Variants in MAGI3 observed in about 807,000 individuals in gnomAD.
MAGI3 encodes membrane-associated guanylate kinase, WW and PDZ domain-containing protein 3.
A neutral mutation model predicts 121.8 loss-of-function variants in MAGI3; 43 were observed. The ratio of observed to expected loss-of-function variants is 0.35; its 90% CI spans 0.28 to 0.46. The LOEUF is 0.46. MAGI3 is among the 20% of genes least tolerant of loss of function. The probability of loss-of-function intolerance (pLI) is 1.00; values close to 1 mark genes in which losing one functional copy is unlikely to be tolerated. For missense variants in MAGI3, 1,547 were observed against 1,797.3 expected (o/e 0.86, Z 2.52); for synonymous variants, 553 against 639.3 (o/e 0.86, Z 2.04).
chr1:113,428,895 G>C (rs1312744749), intron 1 of MAGI3, among the ~76,000 whole-genome samples: 3 of 152,148 alleles, frequency 2.0e-5, no homozygotes, highest in African/African-American at 7.2e-5. Flanking sequence ...TCACTTATCA[G>C]TTCTTGAATT....
intron 9 of MAGI3, among the ~76,000 whole-genome samples, chr1:113,633,003 T>A (rs1443532425): frequency 6.7e-6 from 1 of 150,162 alleles, no homozygotes; most frequent in Non-Finnish European, 1.5e-5. Context: ...GCTGCACCCA[T>A]TAACTCGTCA....
intron 16 of MAGI3, among the ~76,000 whole-genome samples, chr1:113,663,737 G>T (rs138706445): frequency 6.6e-6 from 1 of 152,004 alleles, no homozygotes; most frequent in Non-Finnish European, 1.5e-5. Context: ...TTGTTGGGTC[G>T]CATGGTAACT....
intron 8 of MAGI3, among the ~76,000 whole-genome samples, chr1:113,621,750 ATATT>A (rs1282910656): frequency 1.3e-5 from 2 of 150,482 alleles, no homozygotes; most frequent in East Asian, 1.9e-4. Context: ...ATTTAATTTA[ATATT>A]TATTATATAT....
intron 1 of MAGI3, among the ~76,000 whole-genome samples, chr1:113,540,533 G>T (rs540491905): frequency 6.6e-6 from 1 of 152,282 alleles, no homozygotes; most frequent in East Asian, 1.9e-4. Flanking sequence ...AGATTTATGT[G>T]TACACAGCAC....
Position 113,391,137 on chromosome 1 carries a change from G to T in MAGI3, c.104G>T (p.Gly35Val). ...GGCGACTTCGGCGCGGAGATCCGCG[G>T]TGGCGCGGAGCGTGGCGAGTTCCCC... The part of the protein sequence containing the change: ...PPGDFGAEIR[G>V]GAERGEFPYL... The change falls in exon 1 of 21, where the codon GGT (glycine) becomes GTT (valine). Residue 35 changes from glycine to valine, a missense_variant. Gly to Val is a moderately radical substitution (Grantham distance 109). Coordinates refer to ENST00000307546, the MANE Select transcript of MAGI3 (RefSeq NM_001142782.2). The surrounding 1 kb of genome is among the most constrained non-coding windows in gnomAD (Gnocchi z 4.4). 1 of 1,566,918 alleles carries T rather than the reference G, an allele frequency of 6.4e-7. No individual in the cohort carries two copies. The highest frequency in any genetic ancestry group is 8.6e-7 in the Non-Finnish European group (1 of 1,156,264).
chr1:113,582,073 T>G (rs1324298741), intron 3 of MAGI3, among the ~76,000 whole-genome samples: 5 of 152,234 alleles, frequency 3.3e-5, no homozygotes, highest in Non-Finnish European at 5.9e-5. Context: ...GTGTGCTCAA[T>G]TCAAAGAAAA....
chr1:113,590,226 C>T (rs572281492), intron 4 of MAGI3, among the ~76,000 whole-genome samples: 1 of 152,206 alleles, frequency 6.6e-6, no homozygotes, highest in East Asian at 1.9e-4. Context: ...AGGATTTATA[C>T]TGAATTAATT....
rs1425565567 is a variant in MAGI3, at chr1:113,391,425, A to C, written c.316+76A>C. On this transcript the variant is annotated intron_variant, in intron 1 of 20. Coordinates refer to ENST00000307546, the MANE Select transcript of MAGI3 (RefSeq NM_001142782.2). This position sits in a 1 kb window ranked among gnomAD's most constrained non-coding sequence, Gnocchi z 4.4. ...GGGTGGGCGTCCTGGGAGCGGCGGC[A>C]CCTCCCCACCGCGTATTGTCCCGGG... The C allele has an allele frequency of 7.6e-6, 11 of 1,447,210 alleles. No individual in the cohort carries two copies. Among genetic ancestry groups the C allele is most frequent in the Non-Finnish European group, 1.0e-5 (11 of 1,058,988 alleles). The allele number at this position is 1,447,210 out of a possible 1,614,324, so 89.6% of individuals were successfully genotyped here.
At chr1:113,510,716 C>T (rs1657573126) in intron 1 of MAGI3, among the ~76,000 whole-genome samples, 1 of 152,114 alleles carries the variant, frequency 6.6e-6, no homozygotes, top group Admixed American at 6.5e-5. Context: ...AACTTAGAGG[C>T]CATCAGCAAT....
chr1:113,415,468 T>A (rs1441859493), intron 1 of MAGI3, among the ~76,000 whole-genome samples: 1 of 152,072 alleles, frequency 6.6e-6, no homozygotes, highest in Non-Finnish European at 1.5e-5. Flanking sequence ...CTTTTTTTCC[T>A]ATCACTTTCT....
chr1:113,486,812 G>A (rs1243538990), intron 1 of MAGI3, among the ~76,000 whole-genome samples: 3 of 151,952 alleles, frequency 2.0e-5, no homozygotes, highest in Non-Finnish European at 2.9e-5. Flanking sequence ...CCACCACGTG[G>A]CTTTATTTTT....
intron 1 of MAGI3, among the ~76,000 whole-genome samples, chr1:113,535,176 CTCT>C (rs1189327708): frequency 6.6e-6 from 1 of 152,020 alleles, no homozygotes; most frequent in Non-Finnish European, 1.5e-5. Flanking sequence ...TGGTCTTATT[CTCT>C]TGTTTTTATT....
At chr1:113,567,427 C>T (rs1208906541) in intron 2 of MAGI3, among the ~76,000 whole-genome samples, 8 of 151,996 alleles carry the variant, frequency 5.3e-5, no homozygotes, top group Admixed American at 1.3e-4. Flanking sequence ...CATTTAAACT[C>T]ATTACCCTGA....
chr1:113,610,369 C>G (rs1268620890), intron 6 of MAGI3, among the ~76,000 whole-genome samples: 1 of 152,162 alleles, frequency 6.6e-6, no homozygotes, highest in African/African-American at 2.4e-5. Context: ...TGTTAGTGCT[C>G]CTAAGGTTCT....
At chr1:113,544,508 T>G (rs1659439638) in intron 1 of MAGI3, among the ~76,000 whole-genome samples, 1 of 152,222 alleles carries the variant, frequency 6.6e-6, no homozygotes. Flanking sequence ...AGAAAAATTA[T>G]TAGAAGAAAT....
At chr1:113,411,867 A>T (rs1652009226) in intron 1 of MAGI3, among the ~76,000 whole-genome samples, 1 of 151,962 alleles carries the variant, frequency 6.6e-6, no homozygotes, top group Non-Finnish European at 1.5e-5. Context: ...CATAGAAATA[A>T]CTTATTTATT....
intron 2 of MAGI3, among the ~76,000 whole-genome samples, chr1:113,573,544 A>T (rs188377931): frequency 6.6e-6 from 1 of 152,142 alleles, no homozygotes; most frequent in African/African-American, 2.4e-5. Flanking sequence ...ATTTGATTGC[A>T]CTGTGGTCCG....
At chr1:113,475,301 T>C (rs1655758118) in intron 1 of MAGI3, among the ~76,000 whole-genome samples, 1 of 152,198 alleles carries the variant, frequency 6.6e-6, no homozygotes, top group Non-Finnish European at 1.5e-5. Context: ...AGAGAGGGCA[T>C]CCCTGTCTTG....
intron 3 of MAGI3, among the ~76,000 whole-genome samples, chr1:113,584,331 A>G (rs1011880826): frequency 3.9e-5 from 6 of 152,170 alleles, no homozygotes; most frequent in African/African-American, 1.4e-4. Flanking sequence ...TGGGAACTGC[A>G]TGACAAATTG....
Sources: gnomAD v4.1 joint callset for allele counts (sites outside exome capture counted in the v4.1 genomes callset) on GRCh38, gnomAD v4.1.1 for gene constraint, Gnocchi (gnomAD v3.1) non-coding constraint, MANE v1.5 for transcripts, NCBI Gene and HGNC (gene_info 2026-07-23, HGNC 2026-07-21) for gene names.